Variants in HACL1 observed in about 807,000 individuals in gnomAD.
HACL1 encodes the protein 1600020H07Rik.
Under a neutral mutation model 74.2 loss-of-function variants are expected in HACL1, and 64 were observed. That is an observed-to-expected ratio of 0.86 (90% confidence interval 0.70 to 1.06). The LOEUF (loss-of-function observed/expected upper bound fraction) is 1.06. Ranked by LOEUF, HACL1 falls within the 50% of genes least tolerant of loss-of-function variation. HACL1 has a pLI of 0.00. For missense variants in HACL1, 728 were observed against 719.7 expected (o/e 1.01, Z -0.13); for synonymous variants, 230 against 238.8 (o/e 0.96, Z 0.34).
intron 16 of HACL1, among the ~76,000 whole-genome samples, chr3:15,561,208 G>A (rs942029987): frequency 1.3e-5 from 2 of 152,230 alleles, no homozygotes; most frequent in Non-Finnish European, 2.9e-5. Flanking sequence ...GAGGCCCACA[G>A]AGGGCTGAGC....
At chr3:15,599,757 G>C (rs955719578) in intron 2 of HACL1, among the ~76,000 whole-genome samples, 2 of 152,178 alleles carry the variant, frequency 1.3e-5, no homozygotes, top group African/African-American at 4.8e-5. Context: ...TTCCAGGACT[G>C]ATCAACGTGA....
intron 2 of HACL1, among the ~76,000 whole-genome samples, chr3:15,597,316 T>G (rs1234743549): frequency 6.6e-6 from 1 of 152,216 alleles, no homozygotes; most frequent in Non-Finnish European, 1.5e-5. Context: ...TGACATATAC[T>G]GCACGCTTTC....
chr3:15,588,756 T>C (rs1301571713), intron 5 of HACL1, among the ~76,000 whole-genome samples: 1 of 152,218 alleles, frequency 6.6e-6, no homozygotes, highest in African/African-American at 2.4e-5. Context: ...CCAGCTTTAT[T>C]CTTAAAACTG....
intron 7 of HACL1, 89 bp downstream of exon 7, chr3:15,585,153 AACTTAT>A (rs2063772185): frequency 1.6e-6 from 1 of 640,814 alleles, no homozygotes; most frequent in Non-Finnish European, 2.8e-6. Flanking sequence ...AATGGAAATT[AACTTAT>A]AAACTGCTGG....
rs574249207 is a variant in HACL1, at chr3:15,563,496, C to T, written c.1566G>A (p.Met522Ile). The change falls in exon 16 of 17, where the codon ATG becomes ATA. Residue 522 changes from methionine (M) to isoleucine (I), a missense_variant. Physicochemically the swap from Met to Ile is conservative, Grantham distance 10. Transcript: ENST00000321169. ...AATACCCTTTGCCTCCAAATGCAGT[C>T]ATGACTTGCTCATAATGTGAATTTG... is the stretch of plus-strand genomic sequence containing the variant. The part of the protein sequence containing the change: ...LLPNSHYEQV[M>I]TAFGGKGYFV... 3.1e-6 allele frequency: 5 copies of T among 1,612,658 alleles called. No homozygotes were observed. In the East Asian group the frequency reaches 1.1e-4, roughly 36 times the overall value.
rs60607371 is a variant in HACL1, at chr3:15,601,024, A to G, written c.186+66T>C. 2.4e-3 allele frequency: 2,257 copies of G among 946,842 alleles called. 15 individuals carry two copies. The highest frequency in any genetic ancestry group is 0.016 in the African/African-American group (1,027 of 62,422). The allele number at this position is 946,842 out of a possible 1,614,324, so 58.7% of individuals were successfully genotyped here. On this transcript the variant is annotated intron_variant, in intron 2 of 16. Transcript: ENST00000321169. The stretch of plus-strand genomic sequence containing the variant: ...GGTAAGCGCTATCTGGGTGTTTGCA[A>G]TGCATACCTACCGCTATTACTGATC...
chr3:15,575,211 G>A, intron 9 of HACL1, 129 bp from the exon 10 acceptor site: 26 of 500,670 alleles, frequency 5.2e-5, no homozygotes, highest in South Asian at 2.0e-4. Flanking sequence ...CAGCTTCTAG[G>A]GTATATTTGA....
At chr3:15,585,543 T>G (rs897274211) in intron 6 of HACL1, among the ~76,000 whole-genome samples, 1 of 152,164 alleles carries the variant, frequency 6.6e-6, no homozygotes, top group East Asian at 1.9e-4. Context: ...GGGAGAGAGA[T>G]AAGAAAGTAT....
At chr3:15,582,661 C>A (rs1275351289) in intron 8 of HACL1, among the ~76,000 whole-genome samples, 1 of 151,908 alleles carries the variant, frequency 6.6e-6, no homozygotes, top group Non-Finnish European at 1.5e-5. Context: ...CTAATAAGAC[C>A]AAAGAAATTA....
intron 12 of HACL1, among the ~76,000 whole-genome samples, chr3:15,570,356 AT>A (rs2063505266): frequency 1.3e-5 from 2 of 151,862 alleles, no homozygotes; most frequent in South Asian, 4.2e-4. Context: ...AAAAAAAAAA[AT>A]TCCAATGTAA....
chr3:15,586,548 C>T lies in HACL1; in HGVS notation c.436G>A (p.Ala146Thr). The change falls in exon 6 of 17, where the codon GCT becomes ACT. Residue 146 changes from alanine to threonine, a missense_variant. Physicochemically the swap from Ala to Thr is moderately conservative, Grantham distance 58 (BLOSUM62 0). Transcript: ENST00000321169. ...KFSARPSSIE[A>T]IPFVIEKAVR... ...ACCTTTTCAATAACAAAAGGAATAG[C>T]TTCTATGCTGCTTGGGCGGGCAGAG... The T allele has an allele frequency of 1.9e-6, 3 of 1,595,768 alleles. No individual in the cohort carries two copies. Among genetic ancestry groups the T allele is most frequent in the Non-Finnish European group, 2.6e-6 (3 of 1,164,454 alleles).
At chr3:15,579,796 G>T in intron 9 of HACL1, 114 bp downstream of exon 9, 1 of 743,308 alleles carries the variant, frequency 1.3e-6, no homozygotes, top group Non-Finnish European at 2.2e-6. Flanking sequence ...AAACAGGTAT[G>T]CTTAAAATTC....
chr3:15,580,106 A>G, intron 8 of HACL1, 61 bp from the exon 9 acceptor site: 2 of 1,365,458 alleles, frequency 1.5e-6, no homozygotes, highest in Non-Finnish European at 2.0e-6. Context: ...TGACCCTTAA[A>G]AAAGTTCATG....
At chr3:15,575,766 C>G in intron 9 of HACL1, among the ~76,000 whole-genome samples, 1 of 152,064 alleles carries the variant, frequency 6.6e-6, no homozygotes, top group Admixed American at 6.6e-5. Flanking sequence ...GTCTCGAACT[C>G]CTGGTTTCAA....
chr3:15,574,991 C>T lies in HACL1; in HGVS notation c.895G>A (p.Val299Met). Reference protein sequence around the residue: ...FGLPPRYQPDVKFIQVDICAE... With the variant: ...FGLPPRYQPDMKFIQVDICAE... ...TCTCTAAGTACCTGGATAAACTTCA[C>T]ATCTGGCTGATATCTTGGAGGCAGT... The change falls in exon 10 of 17, where the codon GTG becomes ATG. Residue 299 changes from valine (V) to methionine (M), a missense_variant. Val to Met is a conservative substitution (Grantham distance 21, BLOSUM62 1). Transcript: ENST00000321169. 6.6e-7 allele frequency: 1 copy of T among 1,522,726 alleles called. No individual in the cohort carries two copies. The highest frequency in any genetic ancestry group is 9.1e-7 in the Non-Finnish European group (1 of 1,098,700). The allele number at this position is 1,522,726 out of a possible 1,614,324, so 94.3% of individuals were successfully genotyped here.
rs2125222878 is a variant in HACL1 at position 15,563,393 on chromosome 3, T to C, written c.1669A>G (p.Ile557Val). 2.5e-6 allele frequency: 4 copies of C among 1,613,794 alleles called. No individual in the cohort carries two copies. Among genetic ancestry groups the C allele is most frequent in the Non-Finnish European group, 3.4e-6 (4 of 1,179,754 alleles). Residue 557 changes from isoleucine to valine, a missense_variant, in exon 16 of 17, where the codon ATC becomes GTC. Physicochemically the swap from Ile to Val is conservative, Grantham distance 29 (BLOSUM62 3). Transcript: ENST00000321169. ...CGTGTGGCTTGTGGCTCAATCATGA[T>C]GTTGATAAGAGAAGGTTTAGTTGTG... ...ADTTKPSLIN[I>V]MIEPQATRKA...
chr3:15,601,424 C>A lies in HACL1; in HGVS notation c.40G>T (p.Val14Leu), dbSNP rs778335742. ...TGAGCGATGACTTTAGCACCAGACACCTGCTCCTCGCTGCGCTCTGCGAAG... is the reference window on the plus strand; with the variant it reads ...TGAGCGATGACTTTAGCACCAGACAACTGCTCCTCGCTGCGCTCTGCGAAG... ...SNFAERSEEQ[V>L]SGAKVIAQAL... The change falls in exon 1 of 17, where the codon GTG becomes TTG. Residue 14 changes from valine (V) to leucine (L), a missense_variant. Transcript: ENST00000321169. 2.5e-6 allele frequency: 4 copies of A among 1,613,888 alleles called. No individual in the cohort carries two copies. Among genetic ancestry groups the A allele is most frequent in the African/African-American group, 2.7e-5 (2 of 74,946 alleles).
intron 7 of HACL1, 102 bp downstream of exon 7, chr3:15,585,146 G>T: frequency 1.6e-6 from 1 of 613,436 alleles, no homozygotes; most frequent in Non-Finnish European, 2.9e-6. Flanking sequence ...TAAGACAAAT[G>T]GAAATTAACT....
At chr3:15,578,820 T>G (rs958522830) in intron 9 of HACL1, among the ~76,000 whole-genome samples, 4 of 152,092 alleles carry the variant, frequency 2.6e-5, no homozygotes, top group African/African-American at 9.7e-5. Flanking sequence ...CTTCTGCAGC[T>G]TGTTCAGAGG....
Sources: allele counts gnomAD v4.1 joint callset (sites outside exome capture counted in the v4.1 genomes callset), GRCh38; gene constraint gnomAD v4.1.1; transcripts MANE v1.5; gene names NCBI Gene and HGNC (gene_info 2026-07-23, HGNC 2026-07-21).